Variants in NCOR1 observed in about 807,000 individuals in gnomAD.
NCOR1 encodes the protein nuclear receptor corepressor 1, also known as protein phosphatase 1, regulatory subunit 109.
A neutral mutation model predicts 288.1 loss-of-function variants in NCOR1; 63 were observed. The observed-to-expected ratio is 0.22, with a 90% CI of 0.18 to 0.27. NCOR1 has a LOEUF of 0.27. Ranked by LOEUF, NCOR1 falls within the 10% of genes least tolerant of loss-of-function variation. The pLI is 1.00. For missense variants in NCOR1, 2,397 were observed against 3,019.2 expected (o/e 0.79, Z 4.83); for synonymous variants, 1,007 against 1,065.9 (o/e 0.94, Z 1.08).
At position 16,032,480 on chromosome 17, in the gene NCOR1, G is replaced by A; in HGVS notation, c.7139C>T (p.Ser2380Leu). The change falls in exon 46 of 46, where the codon TCA becomes TTA. Residue 2380 changes from serine to leucine, a missense_variant. This residue lies in a region of NCOR1 where 1,872 missense variants were observed against 2,187.8 expected (regional missense o/e 0.86). Coordinates refer to ENST00000268712, the MANE Select transcript of NCOR1 (RefSeq NM_006311.4). ...CAGAGGGTTATAAGGAAACTGAGTTGAGCCTGACAAAAGAAAAATTAGGTT... is the reference window on the plus strand; with the variant it reads ...CAGAGGGTTATAAGGAAACTGAGTTAAGCCTGACAAAAGAAAAATTAGGTT... ...AWEDRPSSTG[S>L]TQFPYNPLTM... 1 of 1,564,654 alleles carries A rather than the reference G, an allele frequency of 6.4e-7. No individual in the cohort carries two copies. Among genetic ancestry groups the A allele is most frequent in the Non-Finnish European group, 8.6e-7 (1 of 1,159,684 alleles).
chr17:16,187,116 G>T (rs1291832873), intron 2 of NCOR1, among the ~76,000 whole-genome samples: 1 of 151,824 alleles, frequency 6.6e-6, no homozygotes. Flanking sequence ...GAATCAACCT[G>T]CTAGTTAAGA....
intron 1 of NCOR1, among the ~76,000 whole-genome samples, chr17:16,200,366 G>A (rs139587309): frequency 6.6e-6 from 1 of 151,822 alleles, no homozygotes; most frequent in Non-Finnish European, 1.5e-5. Context: ...ACATGGTGGT[G>A]CACACCTATA....
chr17:16,140,338 G>A (rs2076973105), intron 11 of NCOR1, among the ~76,000 whole-genome samples: 1 of 152,194 alleles, frequency 6.6e-6, no homozygotes, highest in Non-Finnish European at 1.5e-5. Context: ...AAGTGGTTAT[G>A]TTTTAAAGCT....
chr17:16,188,886 ATGG>A (rs2087417451), intron 2 of NCOR1, among the ~76,000 whole-genome samples: 1 of 151,168 alleles, frequency 6.6e-6, no homozygotes, highest in Non-Finnish European at 1.5e-5. Context: ...CTAGCCAGGC[ATGG>A]TGGCAGGCAC....
intron 2 of NCOR1, among the ~76,000 whole-genome samples, chr17:16,190,938 T>G (rs1379376979): frequency 6.6e-6 from 1 of 152,296 alleles, no homozygotes; most frequent in South Asian, 2.1e-4. Flanking sequence ...ACTGCAGCCA[T>G]GGGAAGGGAA....
At position 16,029,480 on chromosome 17, in the gene NCOR1, A is replaced by G; in HGVS notation, c.*2816T>C. ...TCAGTGTACCAAAATTAAAAGCATT[A>G]TGAAATTTGCAGTCATAAACATGCA... is the stretch of plus-strand genomic sequence containing the variant. On this transcript the variant is annotated 3_prime_UTR_variant, in exon 46 of 46. Transcript: ENST00000268712. The G allele has an allele frequency of 3.6e-6, 1 of 274,154 alleles. No homozygotes were observed. Among genetic ancestry groups the G allele is most frequent in the East Asian group, 9.3e-5 (1 of 10,748 alleles). The allele number at this position is 274,154 out of a possible 1,614,324, so 17.0% of individuals were successfully genotyped here.
At chr17:16,160,747 G>A (rs568314126) in intron 5 of NCOR1, among the ~76,000 whole-genome samples, 119 of 152,148 alleles carry the variant, frequency 7.8e-4, no homozygotes, top group South Asian at 1.7e-3. Flanking sequence ...AGCCAAGATC[G>A]CACCATTGCA....
chr17:16,164,180 G>A (rs178652), intron 5 of NCOR1, among the ~76,000 whole-genome samples: 11 of 151,592 alleles, frequency 7.3e-5, no homozygotes, highest in Non-Finnish European at 1.3e-4. Flanking sequence ...GACAGAGGTT[G>A]CAGTGAGCCA....
chr17:16,070,454 C>T lies in NCOR1; in HGVS notation c.4224G>A (p.Thr1408=), dbSNP rs756507316. The T allele has an allele frequency of 3.7e-6, 6 of 1,614,128 alleles. No individual in the cohort carries two copies. The Admixed American group carries it at 5.0e-5, about 13-fold the overall frequency. The change falls in exon 31 of 46, where the codon ACG becomes ACA. Residue 1408 remains threonine, a synonymous_variant. Coordinates refer to ENST00000268712, the MANE Select transcript of NCOR1 (RefSeq NM_006311.4). The part of the protein sequence containing the change: ...AIKHNVKSLI[T]GPSKLSRGMP... ...TTCCACGGGATAGTTTGCTAGGCCCCGTGATTAAGGATTTGACATTGTGTT... is the reference window on the plus strand; with the variant it reads ...TTCCACGGGATAGTTTGCTAGGCCCTGTGATTAAGGATTTGACATTGTGTT...
Position 16,029,521 on chromosome 17 carries a change from T to C in NCOR1, c.*2775A>G, listed in dbSNP as rs892176307. ...TAAACATGCAGTGGAAAACTGGCTG[T>C]CAGAATACTTTTATGAAGAGTATTA... is the stretch of plus-strand genomic sequence containing the variant. On this transcript the variant is annotated 3_prime_UTR_variant, in exon 46 of 46. Coordinates refer to ENST00000268712, the MANE Select transcript of NCOR1 (RefSeq NM_006311.4). The C allele has an allele frequency of 7.2e-4, 182 of 253,266 alleles. 3 individuals are homozygous for C. In the Admixed American group the frequency reaches 9.2e-3, roughly 13 times the overall value. 15.7% of individuals were successfully genotyped at this position (253,266 alleles called of 1,614,324 possible). A position where few individuals can be genotyped will look rare whatever the true frequency, so the allele number is the denominator to read the frequency against.
At chr17:16,074,370 G>A (rs796330303) in intron 27 of NCOR1, among the ~76,000 whole-genome samples, 5 of 152,248 alleles carry the variant, frequency 3.3e-5, no homozygotes, top group African/African-American at 1.2e-4. Context: ...GGTGACAGTG[G>A]TGAATACAGA....
At chr17:16,134,429 C>T (rs1442867337) in intron 14 of NCOR1, among the ~76,000 whole-genome samples, 1 of 152,182 alleles carries the variant, frequency 6.6e-6, no homozygotes, top group Non-Finnish European at 1.5e-5. Context: ...ACTGAGCCTA[C>T]CTGGGGGTAA....
chr17:16,097,996 C>T (rs560294554), intron 21 of NCOR1, among the ~76,000 whole-genome samples: 5 of 152,290 alleles, frequency 3.3e-5, no homozygotes, highest in South Asian at 4.1e-4. Flanking sequence ...AAAGCCCATA[C>T]ATTTGGTATA....
At chr17:16,132,977 CT>C (rs899813884) in intron 14 of NCOR1, among the ~76,000 whole-genome samples, 2 of 146,348 alleles carry the variant, frequency 1.4e-5, no homozygotes, top group African/African-American at 5.1e-5. Flanking sequence ...TCTCTTCTTT[CT>C]TTTTTTTCCA....
intron 1 of NCOR1, among the ~76,000 whole-genome samples, chr17:16,207,221 A>G (rs1428128152): frequency 2.0e-5 from 3 of 152,228 alleles, no homozygotes; most frequent in African/African-American, 7.2e-5. Context: ...ACTCAAAGTC[A>G]TGATGATGAC....
Position 16,211,056 on chromosome 17 carries a change from C to T in NCOR1, c.-71+4306G>A, listed in dbSNP as rs144926652. ...GATTTTTAAGTGTCAATCATCAAATCGATTCATCCCATGGATGATACAGTG... is the reference window on the plus strand; with the variant it reads ...GATTTTTAAGTGTCAATCATCAAATTGATTCATCCCATGGATGATACAGTG... On this transcript the variant is annotated intron_variant, in intron 1 of 45. Transcript: ENST00000268712. 2.5e-3 allele frequency among the ~76,000 whole-genome samples: 382 copies of T among 151,984 alleles called. 2 individuals are homozygous for T. The highest frequency in any genetic ancestry group is 4.4e-3 in the Non-Finnish European group (297 of 67,950).
rs201847462 is a variant in NCOR1 at position 16,073,601 on chromosome 17, C to T, written c.3671-32G>A. 4.3e-4 allele frequency: 674 copies of T among 1,554,602 alleles called. 1 individual carries two copies. Among genetic ancestry groups the T allele is most frequent in the Non-Finnish European group, 5.2e-4 (605 of 1,152,906 alleles). On this transcript the variant is annotated intron_variant, in intron 27 of 45. Transcript: ENST00000268712. Reference sequence around the variant, plus strand: ...AATACACAAACAAGACTTGCTCAGACGGAGCACATGGTATACAATGTACAG... The same window carrying T: ...AATACACAAACAAGACTTGCTCAGATGGAGCACATGGTATACAATGTACAG...
At chr17:16,211,658 C>T (rs921290256) in intron 1 of NCOR1, among the ~76,000 whole-genome samples, 5 of 151,928 alleles carry the variant, frequency 3.3e-5, no homozygotes, top group Non-Finnish European at 5.9e-5. Flanking sequence ...GTGTTTCATA[C>T]AGTCTCAGAC....
chr17:16,181,336 T>C (rs1364292758), intron 3 of NCOR1, among the ~76,000 whole-genome samples: 1 of 145,086 alleles, frequency 6.9e-6, no homozygotes, highest in African/African-American at 2.6e-5. Context: ...CACGCTGAAA[T>C]AAGCCAGGCA....
Sources: allele counts gnomAD v4.1 joint callset (sites outside exome capture counted in the v4.1 genomes callset), GRCh38; gene constraint gnomAD v4.1.1; regional missense constraint gnomAD v4.1.1; transcripts MANE v1.5; gene names NCBI Gene and HGNC (gene_info 2026-07-23, HGNC 2026-07-21).